Variants in PTK2 observed in about 807,000 individuals in gnomAD.
PTK2 encodes the protein focal adhesion kinase 1.
A neutral mutation model predicts 150.1 loss-of-function variants in PTK2; 45 were observed. The observed-to-expected ratio is 0.30, with a 90% CI of 0.24 to 0.38. The LOEUF (loss-of-function observed/expected upper bound fraction) is 0.38. Ranked by LOEUF, PTK2 falls within the 10% of genes least tolerant of loss-of-function variation. PTK2 has a pLI of 1.00. For missense variants in PTK2, 919 were observed against 1,307.3 expected (o/e 0.70, Z 4.58); for synonymous variants, 432 against 449.2 (o/e 0.96, Z 0.48).
At chr8:140,800,511 G>A (rs746397310) in exon 12 of PTK2, 2 of 1,613,908 alleles carry the variant, frequency 1.2e-6, no homozygotes, top group East Asian at 4.5e-5. Flanking sequence ...CCAGCCGGCA[G>A]TACCCATCTA....
chr8:140,874,860 C>T (rs530135413), intron 4 of PTK2, among the ~76,000 whole-genome samples: 3 of 152,258 alleles, frequency 2.0e-5, no homozygotes, highest in South Asian at 4.1e-4. Flanking sequence ...GCTTCTTTTA[C>T]ACATGCATTA....
intron 5 of PTK2, among the ~76,000 whole-genome samples, chr8:140,857,956 C>T (rs2100133761): frequency 1.3e-5 from 2 of 151,906 alleles, no homozygotes; most frequent in African/African-American, 4.8e-5. Context: ...CGTGAAGAGC[C>T]CAAGGACTTC....
intron 22 of PTK2, among the ~76,000 whole-genome samples, chr8:140,721,281 C>A (rs2100042843): frequency 6.6e-6 from 1 of 152,148 alleles, no homozygotes; most frequent in African/African-American, 2.4e-5. Flanking sequence ...GAAGTGTTAG[C>A]AATACAACTA....
intron 1 of PTK2, among the ~76,000 whole-genome samples, chr8:140,955,231 G>A (rs191384552): frequency 3.9e-5 from 6 of 152,172 alleles, no homozygotes; most frequent in Non-Finnish European, 8.8e-5. Flanking sequence ...ATGTGTTGTG[G>A]GAGGGACCTG....
chr8:140,699,739 C>T (rs1031180587), intron 26 of PTK2, among the ~76,000 whole-genome samples: 1 of 151,932 alleles, frequency 6.6e-6, no homozygotes, highest in Non-Finnish European at 1.5e-5. Flanking sequence ...CCCATAATGA[C>T]ACTACTAAAA....
intron 3 of PTK2, among the ~76,000 whole-genome samples, chr8:140,881,849 G>A (rs2100149273): frequency 1.3e-5 from 2 of 152,146 alleles, no homozygotes; most frequent in Non-Finnish European, 2.9e-5. Flanking sequence ...ATCTGTTAGG[G>A]AAAGGCAGGT....
At chr8:140,698,110 C>G (rs554161628) in intron 26 of PTK2, among the ~76,000 whole-genome samples, 1 of 152,242 alleles carries the variant, frequency 6.6e-6, no homozygotes, top group South Asian at 2.1e-4. Context: ...CAAATGCTAT[C>G]TATACTCTGC....
chr8:140,924,268 C>T (rs2100168629), intron 2 of PTK2, among the ~76,000 whole-genome samples: 1 of 152,170 alleles, frequency 6.6e-6, no homozygotes, highest in East Asian at 1.9e-4. Flanking sequence ...GCCTACTCAA[C>T]AAGGCCTATC....
At chr8:140,671,992 G>T (rs2095573594) in intron 29 of PTK2, among the ~76,000 whole-genome samples, 1 of 152,018 alleles carries the variant, frequency 6.6e-6, no homozygotes, top group African/African-American at 2.4e-5. Context: ...TTATTTTCAA[G>T]ATTTCAATTT....
At position 140,873,610 on chromosome 8, in the gene PTK2, C is replaced by T. The variant is rs543640771; in HGVS notation, c.362+5861G>A. Among the ~76,000 whole-genome samples the T allele has an allele frequency of 3.0e-4, 45 of 152,232 alleles. No homozygotes were observed. The South Asian group carries it at 8.7e-3, about 29-fold the overall frequency. ...CTTCCCCAGTAGCTGGGATTACAGA[C>T]GTCCGCCATGACGCCTGGTAATTTT... On this transcript the variant is annotated intron_variant, in intron 4 of 31. Coordinates refer to ENST00000522684, the Ensembl canonical transcript of PTK2.
At chr8:140,690,253 A>G (rs965039718) in intron 26 of PTK2, among the ~76,000 whole-genome samples, 2 of 152,140 alleles carry the variant, frequency 1.3e-5, no homozygotes, top group Non-Finnish European at 2.9e-5. Flanking sequence ...CGCCAGGCCA[A>G]CAGTTTCTAT....
At chr8:140,972,918 A>C (rs1811365620) in intron 1 of PTK2, among the ~76,000 whole-genome samples, 1 of 152,236 alleles carries the variant, frequency 6.6e-6, no homozygotes, top group African/African-American at 2.4e-5. Context: ...AAAATCTAAA[A>C]TTCTAAAAAT....
At chr8:140,706,809 T>C (rs762828484) in intron 23 of PTK2, among the ~76,000 whole-genome samples, 3 of 151,670 alleles carry the variant, frequency 2.0e-5, no homozygotes, top group African/African-American at 2.4e-5. Flanking sequence ...AGTGAGAGAG[T>C]TGCTTGAGCC....
chr8:140,977,525 G>C (rs562298448), intron 1 of PTK2, among the ~76,000 whole-genome samples: 50 of 152,116 alleles, frequency 3.3e-4, no homozygotes, highest in African/African-American at 1.1e-3. Flanking sequence ...AGGAGGCTGA[G>C]GCAGGAGAAC....
At chr8:140,916,769 G>A (rs1397895480) in intron 2 of PTK2, among the ~76,000 whole-genome samples, 1 of 152,132 alleles carries the variant, frequency 6.6e-6, no homozygotes, top group Admixed American at 6.6e-5. Context: ...GGGTGTGTAC[G>A]GCATATTGAT....
intron 1 of PTK2, among the ~76,000 whole-genome samples, chr8:140,964,151 T>G (rs1320037031): frequency 6.6e-6 from 1 of 151,258 alleles, no homozygotes; most frequent in African/African-American, 2.5e-5. Context: ...TCCTCCCACC[T>G]AAGACTGATG....
At chr8:140,837,762 GA>G (rs951780860) in intron 7 of PTK2, among the ~76,000 whole-genome samples, 1 of 149,176 alleles carries the variant, frequency 6.7e-6, no homozygotes, top group African/African-American at 2.5e-5. Flanking sequence ...AAGTCATTTA[GA>G]AATACAGTAA....
intron 5 of PTK2, among the ~76,000 whole-genome samples, chr8:140,863,643 T>C (rs1437512507): frequency 1.3e-5 from 2 of 152,210 alleles, no homozygotes; most frequent in East Asian, 1.9e-4. Flanking sequence ...AAATCTATAC[T>C]GGGTCAGCAG....
At chr8:140,902,936 T>TTTTTTTG (rs2100159227) in intron 2 of PTK2, among the ~76,000 whole-genome samples, 1 of 137,502 alleles carries the variant, frequency 7.3e-6, no homozygotes, top group Non-Finnish European at 1.6e-5. Context: ...TTTTTTTTTT[T>TTTTTTTG]TTTTTTTTTT....
Sources: allele counts gnomAD v4.1 joint callset (sites outside exome capture counted in the v4.1 genomes callset), GRCh38; gene constraint gnomAD v4.1.1; transcripts MANE v1.5; gene names NCBI Gene and HGNC (gene_info 2026-07-23, HGNC 2026-07-21).